VPS13B: variants seen among roughly 807,000 people sequenced by gnomAD.
The protein encoded by VPS13B is intermembrane lipid transfer protein VPS13B.
A neutral mutation model predicts 426.4 loss-of-function variants in VPS13B; 285 were observed. The ratio of observed to expected loss-of-function variants is 0.67; its 90% CI spans 0.61 to 0.74. VPS13B has a LOEUF of 0.74. VPS13B is among the 30% of genes least tolerant of loss of function. The pLI is 0.00. For synonymous variants in VPS13B, 1,676 were observed against 1,676.4 expected, an observed-to-expected ratio of 1.00 and a Z score of 0.01; for missense variants, 4,537 against 4,782.6, an observed-to-expected ratio of 0.95 and a Z score of 1.51.
chr8:99,782,477 C>T (rs1466110480), intron 42 of VPS13B, among the ~76,000 whole-genome samples: 1 of 151,882 alleles, frequency 6.6e-6, no homozygotes, highest in Non-Finnish European at 1.5e-5. Context: ...GGAGAACCTA[C>T]CTTGACCTTG....
At chr8:99,343,965 A>G (rs1811389631) in intron 19 of VPS13B, among the ~76,000 whole-genome samples, 1 of 152,190 alleles carries the variant, frequency 6.6e-6, no homozygotes, top group Non-Finnish European at 1.5e-5. Context: ...AAATAGAAAA[A>G]ACAATTCTTA....
In VPS13B at chr8:99,659,058, C is replaced by A. The variant is rs565026281; in HGVS notation, c.5909-2296C>A. On this transcript the variant is annotated intron_variant, in intron 34 of 61. Coordinates refer to ENST00000357162, the MANE Select transcript of VPS13B (RefSeq NM_152564.5). ...CCATGTCACCCAGGCTGATCTCAAA[C>A]TCCTGGGTTCAAGCAATATGCTCAC... 1.0e-3 allele frequency among the ~76,000 whole-genome samples: 157 copies of A among 152,228 alleles called. 1 individual carries two copies. The highest frequency in any genetic ancestry group is 3.6e-3 in the African/African-American group (148 of 41,542).
intron 30 of VPS13B, among the ~76,000 whole-genome samples, chr8:99,551,231 A>G (rs1388764075): frequency 6.7e-6 from 1 of 149,312 alleles, no homozygotes. Context: ...AAATGTACTG[A>G]ATCTTTTGTC....
chr8:99,146,261 CTT>C (rs1399988079), intron 13 of VPS13B, among the ~76,000 whole-genome samples: 1 of 152,044 alleles, frequency 6.6e-6, no homozygotes. Flanking sequence ...ATTTATGTGT[CTT>C]TGAATTTTCA....
At chr8:99,211,646 G>A (rs1815094666) in intron 17 of VPS13B, among the ~76,000 whole-genome samples, 1 of 152,014 alleles carries the variant, frequency 6.6e-6, no homozygotes, top group Non-Finnish European at 1.5e-5. Context: ...ACGTGGTGGT[G>A]TGTGCCTGTA....
At chr8:99,471,283 T>C (rs1055883804) in intron 24 of VPS13B, among the ~76,000 whole-genome samples, 1 of 152,116 alleles carries the variant, frequency 6.6e-6, no homozygotes, top group Non-Finnish European at 1.5e-5. Context: ...TATGTGTGAC[T>C]CTTGAAATCA....
intron 2 of VPS13B, among the ~76,000 whole-genome samples, chr8:99,028,480 C>T: frequency 1.6e-5 from 2 of 124,002 alleles, no homozygotes; most frequent in Non-Finnish European, 3.4e-5. Flanking sequence ...GCAGAGGAGC[C>T]CCTCACCTCC....
chr8:99,413,217 T>C (rs1815795095), intron 21 of VPS13B, among the ~76,000 whole-genome samples: 1 of 152,168 alleles, frequency 6.6e-6, no homozygotes, highest in South Asian at 2.1e-4. Context: ...AGGCTATTAA[T>C]TACTGCCTCA....
chr8:99,538,196 T>C (rs1364374564), intron 30 of VPS13B, among the ~76,000 whole-genome samples: 1 of 152,150 alleles, frequency 6.6e-6, no homozygotes, highest in Non-Finnish European at 1.5e-5. Context: ...GCAATAAGAA[T>C]TGACAAAATT....
chr8:99,500,943 G>A lies in VPS13B; in HGVS notation c.3871-744G>A, dbSNP rs139779121. Among the ~76,000 whole-genome samples, 98 of 152,246 alleles carry A rather than the reference G, an allele frequency of 6.4e-4. 2 individuals carry two copies. The highest frequency in any genetic ancestry group is 2.0e-3 in the African/African-American group (85 of 41,544). On this transcript the variant is annotated intron_variant, in intron 25 of 61. Coordinates refer to ENST00000357162, the MANE Select transcript of VPS13B (RefSeq NM_152564.5). ...CAAACAAGACTTTGACAGCAAGTTCGTTAGCACTGACTTTAGGACCTTATA... is the reference window on the plus strand; with the variant it reads ...CAAACAAGACTTTGACAGCAAGTTCATTAGCACTGACTTTAGGACCTTATA...
intron 33 of VPS13B, among the ~76,000 whole-genome samples, chr8:99,640,056 GAAAAGAAAAGAAAAGAAAAGAAAAGAA>G (rs1829277146): frequency 1.1e-5 from 1 of 95,168 alleles, no homozygotes. Context: ...GAAGAGAAAA[GAAAAGAAAAGAAAAGAAAAGAAAAGAA>G]AAGAAAAGAA....
At chr8:99,817,880 C>T in intron 45 of VPS13B, 77 bp downstream of exon 45, 2 of 1,602,080 alleles carry the variant, frequency 1.2e-6, no homozygotes, top group Non-Finnish European at 8.5e-7. Context: ...ACTCGTACAG[C>T]ACTTAATTTA....
At position 99,835,682 on chromosome 8, in the gene VPS13B, G is replaced by C; in HGVS notation, c.9886G>C (p.Asp3296His). 4 of 1,614,164 alleles carry C rather than the reference G, an allele frequency of 2.5e-6. No homozygotes were observed. In the South Asian group the frequency reaches 4.4e-5, roughly 18 times the overall value. ...CCTACTTTTGAGAGTTGAACCTCTAGATGAAGTAACAACTGAGTGGAGTGA... is the reference window on the plus strand; with the variant it reads ...CCTACTTTTGAGAGTTGAACCTCTACATGAAGTAACAACTGAGTGGAGTGA... The part of the protein sequence containing the change: ...PSLLLRVEPL[D>H]EVTTEWSDAI... The change falls in exon 54 of 62, where the codon GAT becomes CAT. Residue 3296 changes from aspartate (D) to histidine (H), a missense_variant. Transcript: ENST00000357162.
At chr8:99,370,747 C>T (rs1813133128) in intron 19 of VPS13B, among the ~76,000 whole-genome samples, 1 of 151,304 alleles carries the variant, frequency 6.6e-6, no homozygotes, top group Non-Finnish European at 1.5e-5. Context: ...GTAGCTGGGA[C>T]TACAGGCGTG....
chr8:99,571,874 A>G (rs1459181183), intron 31 of VPS13B, among the ~76,000 whole-genome samples: 2 of 152,156 alleles, frequency 1.3e-5, no homozygotes, highest in African/African-American at 4.8e-5. Context: ...TTGAAATCCA[A>G]TACTTATGTG....
chr8:99,464,516 AC>A (rs1819006569), intron 23 of VPS13B, among the ~76,000 whole-genome samples: 1 of 152,194 alleles, frequency 6.6e-6, no homozygotes, highest in Non-Finnish European at 1.5e-5. Flanking sequence ...TTGTTCACTA[AC>A]CGCAACATTG....
chr8:99,784,603 C>A, intron 43 of VPS13B, 127 bp downstream of exon 43: 1 of 1,269,362 alleles, frequency 7.9e-7, no homozygotes, highest in Non-Finnish European at 1.1e-6. Flanking sequence ...GTAGCTACAT[C>A]TGACGGAAAC....
intron 39 of VPS13B, among the ~76,000 whole-genome samples, chr8:99,734,702 T>C (rs1410191565): frequency 6.6e-6 from 1 of 152,206 alleles, no homozygotes; most frequent in African/African-American, 2.4e-5. Context: ...CAGGACATAC[T>C]ATATATTGGA....
At chr8:99,421,295 A>C (rs192192233) in intron 21 of VPS13B, among the ~76,000 whole-genome samples, 2 of 152,356 alleles carry the variant, frequency 1.3e-5, no homozygotes, top group Non-Finnish European at 2.9e-5. Flanking sequence ...GAAAACTAAA[A>C]GTGTAATAGA....
Sources: allele counts gnomAD v4.1 joint callset (sites outside exome capture counted in the v4.1 genomes callset), GRCh38; gene constraint gnomAD v4.1.1; transcripts MANE v1.5; gene names NCBI Gene and HGNC (gene_info 2026-07-23, HGNC 2026-07-21).